Variants in FNIP2 observed in about 807,000 individuals in gnomAD.
FNIP2 encodes the protein folliculin interacting protein 2.
In FNIP2, 32 loss-of-function variants were observed where a neutral mutation model predicts 108.7. The observed-to-expected ratio is 0.29, with a 90% CI of 0.22 to 0.40. The LOEUF (loss-of-function observed/expected upper bound fraction) is 0.40, where lower values mean the gene tolerates loss of function less well. Among genes scored for constraint, FNIP2 ranks in the 10% least tolerant of loss-of-function variants. FNIP2 has a pLI of 1.00. For synonymous variants in FNIP2, 480 were observed against 496.7 expected, an observed-to-expected ratio of 0.97 and a Z score of 0.45; for missense variants, 1,202 against 1,381.6, an observed-to-expected ratio of 0.87 and a Z score of 2.06.
At chr4:158,769,618 C>G (rs1306721825) in intron 1 of FNIP2, among the ~76,000 whole-genome samples, 1 of 152,194 alleles carries the variant, frequency 6.6e-6, no homozygotes, top group Non-Finnish European at 1.5e-5. Context: ...ACCGGAGATT[C>G]TCCGGTTATT....
intron 1 of FNIP2, among the ~76,000 whole-genome samples, chr4:158,801,143 T>C (rs1030154792): frequency 2.6e-5 from 4 of 152,258 alleles, no homozygotes; most frequent in Non-Finnish European, 5.9e-5. Context: ...CTAGGAGTCT[T>C]TCCCTAGCTG....
intron 7 of FNIP2, among the ~76,000 whole-genome samples, chr4:158,850,995 G>A (rs1376255156): frequency 6.6e-6 from 1 of 152,110 alleles, no homozygotes. Flanking sequence ...CTTAGGAAGA[G>A]AGAAATTATA....
At chr4:158,904,116 A>G (rs1221779902) in intron 16 of FNIP2, among the ~76,000 whole-genome samples, 2 of 152,234 alleles carry the variant, frequency 1.3e-5, no homozygotes, top group Non-Finnish European at 2.9e-5. Flanking sequence ...GAATGAGTTT[A>G]TAATGGAGAA....
At chr4:158,776,544 G>T (rs907399184) in intron 1 of FNIP2, among the ~76,000 whole-genome samples, 1 of 152,166 alleles carries the variant, frequency 6.6e-6, no homozygotes, top group African/African-American at 2.4e-5. Context: ...TTCTTCATTA[G>T]CTATCCTCAT....
At chr4:158,821,406 GA>G (rs1261643977) in intron 1 of FNIP2, among the ~76,000 whole-genome samples, 1 of 152,218 alleles carries the variant, frequency 6.6e-6, no homozygotes, top group Non-Finnish European at 1.5e-5. Context: ...TACCCCTTTT[GA>G]ATCATGCCGA....
intron 8 of FNIP2, among the ~76,000 whole-genome samples, chr4:158,857,780 CAAA>C (rs35070873): frequency 8.8e-5 from 12 of 137,098 alleles, no homozygotes; most frequent in Admixed American, 1.5e-4. Context: ...CCATCTCTAC[CAAA>C]AAAAAAAAAA....
At chr4:158,821,348 C>T (rs1470466604) in intron 1 of FNIP2, among the ~76,000 whole-genome samples, 1 of 152,212 alleles carries the variant, frequency 6.6e-6, no homozygotes, top group Non-Finnish European at 1.5e-5. Flanking sequence ...ATACATTTCC[C>T]TGAAGTGGTC....
chr4:158,872,557 G>T, intron 14 of FNIP2: 1 of 985,322 alleles, frequency 1.0e-6, no homozygotes, highest in Non-Finnish European at 1.2e-6. Context: ...GCAGCCATGC[G>T]TGGGTGTTAA....
intron 8 of FNIP2, among the ~76,000 whole-genome samples, chr4:158,854,334 C>T (rs1221481918): frequency 6.6e-6 from 1 of 152,242 alleles, no homozygotes; most frequent in Non-Finnish European, 1.5e-5. Context: ...CTCCTCTCTC[C>T]TCTCCCCTAT....
intron 1 of FNIP2, among the ~76,000 whole-genome samples, chr4:158,798,347 A>C (rs1232794285): frequency 6.6e-6 from 1 of 152,174 alleles, no homozygotes; most frequent in Non-Finnish European, 1.5e-5. Flanking sequence ...CACAGACGTG[A>C]GCTACCACAC....
At chr4:158,878,848 A>T (rs1446956800) in intron 14 of FNIP2, among the ~76,000 whole-genome samples, 1 of 152,152 alleles carries the variant, frequency 6.6e-6, no homozygotes, top group East Asian at 1.9e-4. Flanking sequence ...GTGATAAATG[A>T]TCATTTAGAT....
intron 1 of FNIP2, among the ~76,000 whole-genome samples, chr4:158,789,812 C>T (rs1260874630): frequency 1.5e-5 from 1 of 68,110 alleles, no homozygotes; most frequent in Non-Finnish European, 3.3e-5. Flanking sequence ...TTTCCAACTC[C>T]AAGGGTTGTG....
At chr4:158,861,286 T>C in intron 10 of FNIP2, 56 bp from the exon 11 acceptor site, 1 of 1,545,848 alleles carries the variant, frequency 6.5e-7, no homozygotes, top group Non-Finnish European at 8.7e-7. Context: ...TACACCAAGA[T>C]TATCCAAAAT....
At chr4:158,851,236 T>C (rs906172740) in intron 7 of FNIP2, 85 bp from the exon 8 acceptor site, 19 of 1,449,708 alleles carry the variant, frequency 1.3e-5, no homozygotes, top group Non-Finnish European at 1.6e-5. Context: ...TTCAGTGATA[T>C]TAAATACATT....
At chr4:158,874,858 T>C (rs1354510160) in intron 14 of FNIP2, among the ~76,000 whole-genome samples, 1 of 151,484 alleles carries the variant, frequency 6.6e-6, no homozygotes, top group Non-Finnish European at 1.5e-5. Context: ...GTGGGCTGAT[T>C]GCCTGAGCTC....
chr4:158,884,016 C>A (rs1054706391), intron 14 of FNIP2, among the ~76,000 whole-genome samples: 7 of 143,178 alleles, frequency 4.9e-5, no homozygotes, highest in Admixed American at 3.7e-4. Context: ...TCCTGCCCCC[C>A]TTCAGGAGAA....
chr4:158,884,571 G>A (rs1481596161), intron 14 of FNIP2, among the ~76,000 whole-genome samples: 1 of 152,150 alleles, frequency 6.6e-6, no homozygotes, highest in African/African-American at 2.4e-5. Flanking sequence ...GGGGTGGCAG[G>A]GAAGGCATTC....
intron 6 of FNIP2, chr4:158,834,853 T>G (rs1056502126): frequency 1.9e-5 from 3 of 154,344 alleles, no homozygotes; most frequent in African/African-American, 7.2e-5. Flanking sequence ...TGGGTGTATA[T>G]GGAAAGAAAT....
chr4:158,868,298 A>G lies in FNIP2; in HGVS notation c.1662A>G (p.Ile554Met). Reference sequence around the variant, plus strand: ...AAGTTTTAAATGGGAGCAAGATCATAACAGCCTTGGAGAAAGGAGAGGTGG... The same window carrying G: ...AAGTTTTAAATGGGAGCAAGATCATGACAGCCTTGGAGAAAGGAGAGGTGG... ...GDQVLNGSKI[I>M]TALEKGEVEE... Residue 554 changes from isoleucine to methionine, a missense_variant, in exon 13 of 17, where the codon ATA (isoleucine) becomes ATG (methionine). Coordinates refer to ENST00000264433, the MANE Select transcript of FNIP2 (RefSeq NM_020840.3). This position sits in a 1 kb window ranked among gnomAD's most constrained non-coding sequence, Gnocchi z 4.6. The G allele has an allele frequency of 6.2e-7, 1 of 1,614,076 alleles. No homozygotes were observed. The highest frequency in any genetic ancestry group is 2.2e-5 in the East Asian group (1 of 44,888).
Sources: gnomAD v4.1 joint callset for allele counts (sites outside exome capture counted in the v4.1 genomes callset) on GRCh38, gnomAD v4.1.1 for gene constraint, Gnocchi (gnomAD v3.1) non-coding constraint, MANE v1.5 for transcripts, NCBI Gene and HGNC (gene_info 2026-07-23, HGNC 2026-07-21) for gene names.